The following LRMDA variants were observed in gnomAD, a reference collection of about 807,000 sequenced individuals.
The protein encoded by LRMDA is leucine rich melanocyte differentiation associated.
Under a neutral mutation model 29.8 loss-of-function variants are expected in LRMDA, and 18 were observed. The ratio of observed to expected loss-of-function variants is 0.60; its 90% CI spans 0.42 to 0.90. The LOEUF is 0.90. Among genes scored for constraint, LRMDA ranks in the 40% least tolerant of loss-of-function variants. The pLI is 0.00. For missense variants in LRMDA, 273 were observed against 273.9 expected (o/e 1.00, Z 0.02); for synonymous variants, 125 against 109.4 (o/e 1.14, Z -0.89).
At chr10:75,985,815 G>C (rs756903253) in intron 2 of LRMDA, among the ~76,000 whole-genome samples, 2 of 152,164 alleles carry the variant, frequency 1.3e-5, no homozygotes, top group African/African-American at 4.8e-5. Flanking sequence ...GAAAAGACCC[G>C]CCAAAGGAAG....
In LRMDA at chr10:76,378,872, T is replaced by TTC. The variant is rs1174555580; in HGVS notation, c.601+54388_601+54389insCT. On this transcript the variant is annotated intron_variant, in intron 6 of 6. Transcript: ENST00000611255. ...TCTTTTTTTTTCTTTTTTTTTTTTT[T>TTC]TTGAGACGATGTCTTGCTCTGTCTC... 2.8e-3 allele frequency among the ~76,000 whole-genome samples: 416 copies of TTC among 148,586 alleles called. 3 individuals carry two copies. Among genetic ancestry groups the TTC allele is most frequent in the African/African-American group, 9.6e-3 (387 of 40,446 alleles).
intron 5 of LRMDA, among the ~76,000 whole-genome samples, chr10:76,090,813 C>G (rs1217098043): frequency 2.6e-5 from 4 of 152,068 alleles, no homozygotes; most frequent in Non-Finnish European, 5.9e-5. Context: ...TTCAGAGAGA[C>G]AGTAGAAGAG....
intron 2 of LRMDA, among the ~76,000 whole-genome samples, chr10:75,919,286 T>C (rs1393769479): frequency 1.3e-5 from 2 of 152,156 alleles, no homozygotes; most frequent in Non-Finnish European, 2.9e-5. Flanking sequence ...AGTCTAGGGG[T>C]TGACTAAGAA....
intron 2 of LRMDA, among the ~76,000 whole-genome samples, chr10:75,663,570 CCCTGG>C (rs1408917843): frequency 5.0e-4 from 76 of 152,264 alleles, no homozygotes; most frequent in African/African-American, 1.8e-3. Context: ...TATGTTGAAG[CCCTGG>C]AGATAAAGGG....
At chr10:75,882,105 C>T (rs531016738) in intron 2 of LRMDA, among the ~76,000 whole-genome samples, 6 of 152,116 alleles carry the variant, frequency 3.9e-5, no homozygotes, top group Admixed American at 1.3e-4. Context: ...AGCCTCTTGA[C>T]TGGAGGGAGT....
intron 2 of LRMDA, among the ~76,000 whole-genome samples, chr10:75,527,605 G>A (rs988870119): frequency 6.7e-6 from 1 of 148,976 alleles, no homozygotes; most frequent in Non-Finnish European, 1.5e-5. Flanking sequence ...AACTCAGGAT[G>A]AAGTTTACAA....
chr10:76,263,633 C>G (rs959560692), intron 5 of LRMDA, among the ~76,000 whole-genome samples: 8 of 152,176 alleles, frequency 5.3e-5, no homozygotes, highest in Non-Finnish European at 1.2e-4. Flanking sequence ...TCTTGGATCC[C>G]TACCGTCTTG....
intron 2 of LRMDA, among the ~76,000 whole-genome samples, chr10:75,946,188 G>A (rs979961895): frequency 1.3e-5 from 2 of 152,204 alleles, no homozygotes; most frequent in Admixed American, 1.3e-4. Context: ...TTGGGGCACT[G>A]TGAGGACAGG....
intron 2 of LRMDA, among the ~76,000 whole-genome samples, chr10:75,750,963 G>A (rs960298373): frequency 1.3e-5 from 2 of 152,236 alleles, no homozygotes; most frequent in African/African-American, 2.4e-5. Context: ...GCCAAGGCAG[G>A]CGGCTGGGAG....
intron 2 of LRMDA, among the ~76,000 whole-genome samples, chr10:75,804,533 C>A (rs1843814232): frequency 2.0e-5 from 3 of 152,226 alleles, no homozygotes. Context: ...TGAAGAATCT[C>A]TCTTGGCATC....
At position 76,254,166 on chromosome 10, in the gene LRMDA, C is replaced by A. The variant is rs74692786; in HGVS notation, c.517-70235C>A. ...TCACTGCTTCCCTATCCTCAAGCTT[C>A]CCCAACCTTCCTTCCTTGTTGTCAA... On this transcript the variant is annotated intron_variant, in intron 5 of 6. Transcript: ENST00000611255. Among the ~76,000 whole-genome samples the A allele has an allele frequency of 2.7e-3, 418 of 152,220 alleles. 21 individuals are homozygous for A. In the East Asian group the frequency reaches 0.062, roughly 23 times the overall value.
chr10:76,394,051 G>C (rs1841754601), intron 6 of LRMDA, among the ~76,000 whole-genome samples: 1 of 152,142 alleles, frequency 6.6e-6, no homozygotes, highest in African/African-American at 2.4e-5. Context: ...TTGTGAGACA[G>C]AAGAACACAG....
At chr10:75,825,954 A>G (rs1320982768) in intron 2 of LRMDA, among the ~76,000 whole-genome samples, 1 of 152,202 alleles carries the variant, frequency 6.6e-6, no homozygotes, top group Non-Finnish European at 1.5e-5. Flanking sequence ...GTCAAGACAA[A>G]TAGAGGTGGG....
intron 5 of LRMDA, among the ~76,000 whole-genome samples, chr10:76,165,681 A>G (rs999020266): frequency 1.3e-5 from 2 of 152,234 alleles, no homozygotes; most frequent in Non-Finnish European, 2.9e-5. Flanking sequence ...ACATGGCAGC[A>G]GGAGAGAGAA....
At chr10:76,204,009 TCTCTATTTCATGTGCCTGTCC>T (rs1851485598) in intron 5 of LRMDA, among the ~76,000 whole-genome samples, 2 of 139,636 alleles carry the variant, frequency 1.4e-5, no homozygotes, top group African/African-American at 2.7e-5. Context: ...CATCCACCCA[TCTCTATTTCATGTGCCTGTCC>T]ACCCATCTCT....
At chr10:75,455,944 A>C in intron 2 of LRMDA, among the ~76,000 whole-genome samples, 1 of 152,182 alleles carries the variant, frequency 6.6e-6, no homozygotes. Context: ...GTATGCCCTC[A>C]GGGGTGGGTT....
chr10:76,296,128 T>G (rs1002128058), intron 5 of LRMDA, among the ~76,000 whole-genome samples: 2 of 152,204 alleles, frequency 1.3e-5, no homozygotes, highest in Admixed American at 1.3e-4. Context: ...TGCCCTGACT[T>G]TGGCTTCATC....
intron 2 of LRMDA, among the ~76,000 whole-genome samples, chr10:75,466,165 A>G (rs1194071086): frequency 6.6e-6 from 1 of 152,256 alleles, no homozygotes; most frequent in African/African-American, 2.4e-5. Flanking sequence ...GGCGAGAACC[A>G]TAAGCAATTA....
intron 2 of LRMDA, among the ~76,000 whole-genome samples, chr10:75,825,641 A>G (rs569792443): frequency 1.3e-5 from 2 of 152,294 alleles, no homozygotes; most frequent in African/African-American, 4.8e-5. Flanking sequence ...GAAAATATCT[A>G]TTGCACATTG....
Sources: gnomAD v4.1 joint callset for allele counts (sites outside exome capture counted in the v4.1 genomes callset) on GRCh38, gnomAD v4.1.1 for gene constraint, MANE v1.5 for transcripts, NCBI Gene and HGNC (gene_info 2026-07-23, HGNC 2026-07-21) for gene names.